Variants in DCLK1 observed in about 807,000 individuals in gnomAD.
DCLK1 encodes the protein doublecortin like kinase 1.
Under a neutral mutation model 86.2 loss-of-function variants are expected in DCLK1, and 16 were observed. The observed-to-expected ratio is 0.19, with a 90% confidence interval of 0.13 to 0.28. The LOEUF is 0.28. Among genes scored for constraint, DCLK1 ranks in the 10% least tolerant of loss-of-function variants. The pLI, the probability that DCLK1 is intolerant of heterozygous loss-of-function variation, is 1.00. For missense variants in DCLK1, 590 were observed against 940.2 expected (o/e 0.63, Z 4.87); for synonymous variants, 369 against 370.5 (o/e 1.00, Z 0.05).
intron 4 of DCLK1, among the ~76,000 whole-genome samples, chr13:35,940,211 A>G (rs1877004384): frequency 7.6e-6 from 1 of 131,492 alleles, no homozygotes; most frequent in African/African-American, 3.3e-5. Context: ...ACACAGCAAG[A>G]GTCTGTCTCA....
chr13:35,970,006 G>A (rs2153139231), intron 3 of DCLK1, among the ~76,000 whole-genome samples: 1 of 152,206 alleles, frequency 6.6e-6, no homozygotes, highest in South Asian at 2.1e-4. Context: ...CCAGAACTGT[G>A]AGAAATAAAT....
At chr13:35,835,520 C>CCCTT (rs1458098196) in intron 8 of DCLK1, among the ~76,000 whole-genome samples, 1 of 152,202 alleles carries the variant, frequency 6.6e-6, no homozygotes, top group Non-Finnish European at 1.5e-5. Context: ...TCAGGATAAA[C>CCCTT]CCTTCCCTTT....
intron 6 of DCLK1, chr13:35,849,768 C>G (rs2153109725): frequency 1.0e-6 from 1 of 985,152 alleles, no homozygotes; most frequent in Admixed American, 6.2e-5. Context: ...GATTTGGATA[C>G]TCTGGGCCTG....
intron 3 of DCLK1, among the ~76,000 whole-genome samples, chr13:35,968,461 CT>C (rs1161139614): frequency 6.6e-6 from 1 of 152,166 alleles, no homozygotes; most frequent in Non-Finnish European, 1.5e-5. Flanking sequence ...CAGAATTCCC[CT>C]TAGCTTCCTT....
chr13:36,057,096 A>G (rs1368767678), intron 3 of DCLK1, among the ~76,000 whole-genome samples: 1 of 152,018 alleles, frequency 6.6e-6, no homozygotes. Context: ...AATATAGTCA[A>G]TATTTAAAAT....
At chr13:35,998,835 G>A (rs777770427) in intron 3 of DCLK1, among the ~76,000 whole-genome samples, 4 of 152,122 alleles carry the variant, frequency 2.6e-5, no homozygotes, top group African/African-American at 9.7e-5. Context: ...TACAGATTTC[G>A]CTACAACAGA....
intron 3 of DCLK1, among the ~76,000 whole-genome samples, chr13:35,953,198 G>A (rs943040669): frequency 6.6e-6 from 1 of 151,952 alleles, no homozygotes; most frequent in African/African-American, 2.4e-5. Context: ...ATAATTTATT[G>A]GTATTAGTAT....
chr13:36,076,931 T>C lies in DCLK1; in HGVS notation c.723+34938A>G, dbSNP rs562624911. On this transcript the variant is annotated intron_variant, in intron 3 of 16. Coordinates refer to ENST00000360631, the MANE Select transcript of DCLK1 (RefSeq NM_001330071.2). Reference sequence around the variant, plus strand: ...TTTTAAAGAAATATCAAATGTATCATGTAACCTTTCTGACCTTACCTTCCT... The same window carrying C: ...TTTTAAAGAAATATCAAATGTATCACGTAACCTTTCTGACCTTACCTTCCT... Among the ~76,000 whole-genome samples the C allele has an allele frequency of 2.6e-4, 40 of 152,344 alleles. 1 individual carries two copies. Among genetic ancestry groups the C allele is most frequent in the Admixed American group, 2.2e-3 (34 of 15,308 alleles).
chr13:35,975,412 A>G (rs1879283665), intron 3 of DCLK1, among the ~76,000 whole-genome samples: 1 of 152,122 alleles, frequency 6.6e-6, no homozygotes, highest in Non-Finnish European at 1.5e-5. Flanking sequence ...CAGAAACACA[A>G]GGGCAACAAG....
chr13:35,862,258 G>A (rs945098155), intron 5 of DCLK1, among the ~76,000 whole-genome samples: 10 of 152,088 alleles, frequency 6.6e-5, no homozygotes, highest in South Asian at 6.2e-4. Context: ...TTTCCAAATC[G>A]CCTCACACTC....
intron 4 of DCLK1, among the ~76,000 whole-genome samples, chr13:35,918,641 C>T (rs572713826): frequency 2.5e-4 from 38 of 152,116 alleles, no homozygotes; most frequent in African/African-American, 8.9e-4. Flanking sequence ...CTACTGGGTG[C>T]GAGGTACTGA....
At chr13:35,795,244 C>A (rs1312752198) in intron 15 of DCLK1, among the ~76,000 whole-genome samples, 1 of 152,104 alleles carries the variant, frequency 6.6e-6, no homozygotes, top group Non-Finnish European at 1.5e-5. Flanking sequence ...GCGGTGTGTG[C>A]AAGTGGGAAG....
At chr13:35,964,266 C>T (rs144205729) in intron 3 of DCLK1, among the ~76,000 whole-genome samples, 1 of 151,984 alleles carries the variant, frequency 6.6e-6, no homozygotes, top group Admixed American at 6.6e-5. Flanking sequence ...AGGAATATGC[C>T]GTGAAGTGCC....
intron 4 of DCLK1, among the ~76,000 whole-genome samples, chr13:35,943,199 C>G (rs968310363): frequency 1.3e-5 from 2 of 152,084 alleles, no homozygotes; most frequent in African/African-American, 4.8e-5. Flanking sequence ...GAGAAGGTTA[C>G]ATGAAGATGG....
At chr13:35,870,972 A>G (rs1872234398) in intron 5 of DCLK1, among the ~76,000 whole-genome samples, 1 of 152,210 alleles carries the variant, frequency 6.6e-6, no homozygotes, top group African/African-American at 2.4e-5. Context: ...CAAGATGATA[A>G]CGTTCTTCTA....
chr13:35,846,562 T>A, intron 6 of DCLK1: 2 of 985,316 alleles, frequency 2.0e-6, no homozygotes, highest in Non-Finnish European at 2.4e-6. Flanking sequence ...GGCCTCTGAT[T>A]TCCTCTTTTT....
chr13:35,977,382 C>T (rs533537334), intron 3 of DCLK1, among the ~76,000 whole-genome samples: 1 of 152,218 alleles, frequency 6.6e-6, no homozygotes, highest in East Asian at 1.9e-4. Context: ...CAGCTCACCC[C>T]AAATAAGTGG....
At chr13:35,868,670 C>T (rs1872035828) in intron 5 of DCLK1, among the ~76,000 whole-genome samples, 1 of 152,162 alleles carries the variant, frequency 6.6e-6, no homozygotes, top group African/African-American at 2.4e-5. Flanking sequence ...TTCTCTTTCA[C>T]ATCCTTCTGT....
At chr13:35,877,849 C>T (rs1872673471) in intron 4 of DCLK1, among the ~76,000 whole-genome samples, 1 of 152,192 alleles carries the variant, frequency 6.6e-6, no homozygotes, top group Non-Finnish European at 1.5e-5. Context: ...TGAGGAAGCA[C>T]ATTCAGTTCC....
Sources: allele counts gnomAD v4.1 joint callset (sites outside exome capture counted in the v4.1 genomes callset), GRCh38; gene constraint gnomAD v4.1.1; transcripts MANE v1.5; gene names NCBI Gene and HGNC (gene_info 2026-07-23, HGNC 2026-07-21).